The following KIFAP3 variants were observed in gnomAD, a reference collection of about 807,000 sequenced individuals.
KIFAP3 encodes kinesin associated protein 3.
A neutral mutation model predicts 106.5 loss-of-function variants in KIFAP3; 68 were observed. That is an observed-to-expected ratio of 0.64 (90% confidence interval 0.53 to 0.78). The LOEUF (loss-of-function observed/expected upper bound fraction) is 0.78. KIFAP3 is among the 30% of genes least tolerant of loss of function. The pLI, the probability that KIFAP3 is intolerant of heterozygous loss-of-function variation, is 0.00. For missense variants in KIFAP3, 780 were observed against 941.8 expected (o/e 0.83, Z 2.25); for synonymous variants, 320 against 311.5 (o/e 1.03, Z -0.29).
Position 170,046,714 on chromosome 1 carries a change from T to C in KIFAP3, c.317A>G (p.Lys106Arg). The change falls in exon 3 of 20, where the codon AAA (lysine) becomes AGA (arginine). Residue 106 changes from lysine (K) to arginine (R), a missense_variant and splice_region_variant. This residue lies in a region of KIFAP3 where 588 missense variants were observed against 678.9 expected (regional missense o/e 0.87). Transcript: ENST00000361580. ...LQNRRDSLSG[K>R]EKKEKSSKPK... The stretch of plus-strand genomic sequence containing the variant: ...AAGCCAGGAATTCTACTACTTACCT[T>C]TTCCTGACAATGAATCACGGCGGTT... 6.5e-7 allele frequency: 1 copy of C among 1,538,302 alleles called. No homozygotes were observed. The highest frequency in any genetic ancestry group is 8.8e-7 in the Non-Finnish European group (1 of 1,139,798).
intron 1 of KIFAP3, among the ~76,000 whole-genome samples, chr1:170,062,860 A>G (rs1344197001): frequency 6.6e-6 from 1 of 152,024 alleles, no homozygotes; most frequent in Non-Finnish European, 1.5e-5. Flanking sequence ...ACTGCTTAGA[A>G]ATAAACATTT....
At chr1:170,065,075 A>C (rs1671367018) in intron 1 of KIFAP3, among the ~76,000 whole-genome samples, 1 of 152,172 alleles carries the variant, frequency 6.6e-6, no homozygotes, top group Admixed American at 6.5e-5. Context: ...AAATTTTGTT[A>C]GAATTTGACT....
At chr1:169,924,918 C>A (rs954139052) in intron 19 of KIFAP3, among the ~76,000 whole-genome samples, 14 of 152,150 alleles carry the variant, frequency 9.2e-5, no homozygotes, top group Admixed American at 5.9e-4. Flanking sequence ...TAGTGTGTAT[C>A]ACAGGAATTT....
intron 10 of KIFAP3, among the ~76,000 whole-genome samples, chr1:170,009,794 C>T (rs1220140374): frequency 1.3e-5 from 2 of 152,068 alleles, no homozygotes; most frequent in African/African-American, 2.4e-5. Flanking sequence ...ACCCTTGAGA[C>T]ATATCAATGT....
chr1:169,998,801 T>C (rs1176007314), intron 10 of KIFAP3, among the ~76,000 whole-genome samples: 3 of 152,206 alleles, frequency 2.0e-5, no homozygotes, highest in Admixed American at 6.6e-5. Context: ...AAGACTACAG[T>C]ATATAAACCA....
intron 11 of KIFAP3, among the ~76,000 whole-genome samples, chr1:169,986,078 C>T (rs1666815378): frequency 7.0e-6 from 1 of 143,762 alleles, no homozygotes; most frequent in African/African-American, 2.4e-5. Flanking sequence ...TGTTTTATCT[C>T]AGGGCAATAC....
intron 1 of KIFAP3, chr1:170,068,122 C>T (rs907452021): frequency 2.0e-5 from 3 of 151,782 alleles, no homozygotes; most frequent in Non-Finnish European, 2.9e-5. Flanking sequence ...CTTTGGATAC[C>T]ATAATATTCA....
intron 19 of KIFAP3, among the ~76,000 whole-genome samples, chr1:169,931,067 G>A (rs1454860338): frequency 1.1e-4 from 16 of 151,628 alleles, no homozygotes; most frequent in Non-Finnish European, 1.6e-4. Context: ...TTACAGGCCC[G>A]TGCCACAATG....
intron 10 of KIFAP3, among the ~76,000 whole-genome samples, chr1:170,012,672 C>T (rs895856391): frequency 3.3e-5 from 5 of 152,022 alleles, no homozygotes; most frequent in Non-Finnish European, 5.9e-5. Context: ...GTCATGAAAG[C>T]AGAGCCATCA....
At chr1:169,955,726 C>T (rs948452536) in intron 18 of KIFAP3, among the ~76,000 whole-genome samples, 1 of 151,978 alleles carries the variant, frequency 6.6e-6, no homozygotes, top group African/African-American at 2.4e-5. Flanking sequence ...TAATGGACAC[C>T]TTTGGTATCT....
chr1:169,985,915 T>C (rs1666801918), intron 11 of KIFAP3, among the ~76,000 whole-genome samples: 1 of 151,944 alleles, frequency 6.6e-6, no homozygotes, highest in Admixed American at 6.6e-5. Context: ...AATGAACAAA[T>C]TTTATGCTAT....
intron 18 of KIFAP3, among the ~76,000 whole-genome samples, chr1:169,954,733 T>C (rs1664918178): frequency 6.6e-6 from 1 of 152,202 alleles, no homozygotes; most frequent in African/African-American, 2.4e-5. Flanking sequence ...GAAATATTCC[T>C]TGATTATTCA....
intron 10 of KIFAP3, among the ~76,000 whole-genome samples, chr1:169,993,964 C>A (rs1195262497): frequency 6.6e-6 from 1 of 152,178 alleles, no homozygotes; most frequent in East Asian, 1.9e-4. Context: ...ATATATTTAT[C>A]TAACATATAA....
chr1:170,012,694 G>A (rs1668301034), intron 10 of KIFAP3, among the ~76,000 whole-genome samples: 1 of 151,998 alleles, frequency 6.6e-6, no homozygotes, highest in Non-Finnish European at 1.5e-5. Context: ...GTACGGGATT[G>A]GTGCCTGTGA....
intron 16 of KIFAP3, among the ~76,000 whole-genome samples, chr1:169,973,224 T>C (rs907385776): frequency 1.4e-5 from 2 of 146,230 alleles, no homozygotes; most frequent in Non-Finnish European, 3.0e-5. Context: ...AAAATTAAGA[T>C]AACAAAAGAG....
At chr1:170,051,387 T>C (rs892382469) in intron 2 of KIFAP3, among the ~76,000 whole-genome samples, 2 of 151,958 alleles carry the variant, frequency 1.3e-5, no homozygotes, top group Non-Finnish European at 2.9e-5. Flanking sequence ...TCCCACACAA[T>C]AATAGTGGGA....
chr1:170,039,754 T>C (rs937590544), intron 3 of KIFAP3, among the ~76,000 whole-genome samples: 6 of 152,126 alleles, frequency 3.9e-5, no homozygotes, highest in Admixed American at 1.3e-4. Context: ...AGATATAGAA[T>C]AGTTGCTAAC....
At chr1:170,082,404 G>A (rs1672034238) in intron 1 of KIFAP3, among the ~76,000 whole-genome samples, 1 of 152,230 alleles carries the variant, frequency 6.6e-6, no homozygotes, top group African/African-American at 2.4e-5. Flanking sequence ...AAGTAGATAA[G>A]TGGTTGCCTT....
Position 169,993,647 on chromosome 1 carries a change from G to GC in KIFAP3, c.1184-1393_1184-1392insG, listed in dbSNP as rs1381771327. ...CAGGCAGGTGATTTGCTTGTACCCA[G>GC]AAGGTGAGGCTTGCAGTGAGCCCAG... On this transcript the variant is annotated intron_variant, in intron 10 of 19. Coordinates refer to ENST00000361580, the MANE Select transcript of KIFAP3 (RefSeq NM_014970.4). 5.4e-5 allele frequency among the ~76,000 whole-genome samples: 7 copies of GC among 130,836 alleles called. 1 individual carries two copies. The highest frequency in any genetic ancestry group is 8.8e-5 in the African/African-American group (3 of 34,112). The allele number at this position is 130,836 out of a possible 152,430, so 85.8% of individuals were successfully genotyped here. A position where few individuals can be genotyped will look rare whatever the true frequency, so the allele number is the denominator to read the frequency against.
Sources: allele counts gnomAD v4.1 joint callset (sites outside exome capture counted in the v4.1 genomes callset), GRCh38; gene constraint gnomAD v4.1.1; regional missense constraint gnomAD v4.1.1; transcripts MANE v1.5; gene names NCBI Gene and HGNC (gene_info 2026-07-23, HGNC 2026-07-21).